The following RBMS3 variants were observed in gnomAD, a reference collection of about 807,000 sequenced individuals.
RBMS3 encodes the protein RNA binding motif single stranded interacting protein 3, also known as RNA-binding motif, single-stranded-interacting protein 3.
A neutral mutation model predicts 66.8 loss-of-function variants in RBMS3; 27 were observed. That is an observed-to-expected ratio of 0.40 (90% CI 0.30 to 0.56). The LOEUF is 0.56. Ranked by LOEUF, RBMS3 falls within the 20% of genes least tolerant of loss-of-function variation. The probability of loss-of-function intolerance (pLI) is 0.40; values close to 1 mark genes in which losing one functional copy is unlikely to be tolerated. For missense variants in RBMS3, 513 were observed against 549.5 expected (o/e 0.93, Z 0.66); for synonymous variants, 188 against 183.0 (o/e 1.03, Z -0.22).
At chr3:29,807,255 CA>C (rs2057584207) in intron 6 of RBMS3, among the ~76,000 whole-genome samples, 1 of 151,894 alleles carries the variant, frequency 6.6e-6, no homozygotes. Flanking sequence ...ACTAACTAAG[CA>C]ACTGTCTTTT....
At chr3:29,922,386 C>T (rs2060807565) in intron 10 of RBMS3, among the ~76,000 whole-genome samples, 1 of 150,102 alleles carries the variant, frequency 6.7e-6, no homozygotes, top group Non-Finnish European at 1.5e-5. Context: ...ACTCGGGAGG[C>T]TGAGGCAGGA....
chr3:29,317,246 G>C (rs1355007521), intron 1 of RBMS3, among the ~76,000 whole-genome samples: 1 of 151,768 alleles, frequency 6.6e-6, no homozygotes, highest in East Asian at 1.9e-4. Flanking sequence ...AGCTATGATA[G>C]AGTTGAGCAA....
At chr3:29,727,423 A>G (rs964506844) in intron 4 of RBMS3, among the ~76,000 whole-genome samples, 11 of 152,204 alleles carry the variant, frequency 7.2e-5, no homozygotes, top group African/African-American at 2.2e-4. Context: ...ATCAGAGTGA[A>G]CATGCAAACT....
chr3:29,999,671 T>C (rs1699482479), intron 14 of RBMS3, among the ~76,000 whole-genome samples: 1 of 151,274 alleles, frequency 6.6e-6, no homozygotes, highest in Non-Finnish European at 1.5e-5. Context: ...AAAAACCAAA[T>C]ACTGCATGTT....
chr3:29,617,589 G>C (rs2048713620), intron 4 of RBMS3, among the ~76,000 whole-genome samples: 1 of 152,094 alleles, frequency 6.6e-6, no homozygotes, highest in South Asian at 2.1e-4. Context: ...TCTAGTCTTT[G>C]CTTTGCCATA....
intron 2 of RBMS3, 30 bp from the exon 3 acceptor site, chr3:29,488,411 C>A: frequency 6.6e-7 from 1 of 1,523,940 alleles, no homozygotes; most frequent in African/African-American, 1.6e-5. Flanking sequence ...GTTACAATAA[C>A]ATGGGTTTTT....
chr3:29,452,425 T>G (rs9822629), intron 2 of RBMS3, among the ~76,000 whole-genome samples: 61,608 of 152,000 alleles, frequency 0.41, 12,787 homozygotes, highest in East Asian at 0.63. Flanking sequence ...TACTCTGTGA[T>G]CTAGAATCAA....
chr3:29,709,333 G>T (rs891323871), intron 4 of RBMS3, among the ~76,000 whole-genome samples: 2 of 152,130 alleles, frequency 1.3e-5, no homozygotes, highest in Non-Finnish European at 2.9e-5. Flanking sequence ...GCAACTTCAC[G>T]GCTGACATTA....
chr3:29,833,956 AAG>A (rs1254246169), intron 6 of RBMS3, among the ~76,000 whole-genome samples: 1 of 152,146 alleles, frequency 6.6e-6, no homozygotes, highest in East Asian at 1.9e-4. Context: ...TATCACATAT[AAG>A]AGAACCTGCA....
chr3:29,522,665 G>A lies in RBMS3; in HGVS notation c.307+34166G>A, dbSNP rs996126943. 9.2e-5 allele frequency among the ~76,000 whole-genome samples: 14 copies of A among 152,236 alleles called. No individual in the cohort carries two copies. The South Asian group carries it at 1.2e-3, about 14-fold the overall frequency. ...GCTGCCAGGTGGGAGTTGGTACCAG[G>A]AGGAAACACTGTAGGAGAAAGAAAA... On this transcript the variant is annotated intron_variant, in intron 3 of 14. Transcript: ENST00000383767.
chr3:29,724,106 C>G (rs1283909626), intron 4 of RBMS3, among the ~76,000 whole-genome samples: 2 of 151,960 alleles, frequency 1.3e-5, no homozygotes, highest in Non-Finnish European at 2.9e-5. Context: ...TGTTTCCCAC[C>G]CTGTAATATA....
chr3:29,359,959 A>G (rs1043634295), intron 1 of RBMS3, among the ~76,000 whole-genome samples: 2 of 151,974 alleles, frequency 1.3e-5, no homozygotes, highest in African/African-American at 2.4e-5. Flanking sequence ...TAGTCTTGCT[A>G]GCAGTCTGTC....
In RBMS3 at chr3:29,944,234, C is replaced by T; in HGVS notation, c.1078C>T (p.Leu360Phe). The T allele has an allele frequency of 1.3e-6, 2 of 1,592,826 alleles. No homozygotes were observed. Among genetic ancestry groups the T allele is most frequent in the Non-Finnish European group, 1.7e-6 (2 of 1,161,500 alleles). ...TCAATCCCAAGACAGGATTATGATA[C>T]TCCACCAGCTGTTGTGTCAGGTAGG... ...TIQSQDRIMI[L>F]HQLLCQYMTA... Residue 360 changes from leucine to phenylalanine, a missense_variant, in exon 12 of 15, where the codon CTC (leucine) becomes TTC (phenylalanine). By Grantham distance (22) the Leu-to-Phe change is conservative. Coordinates refer to ENST00000383767, the MANE Select transcript of RBMS3 (RefSeq NM_001003793.3).
intron 4 of RBMS3, among the ~76,000 whole-genome samples, chr3:29,655,483 A>T (rs1382761284): frequency 6.6e-6 from 1 of 152,242 alleles, no homozygotes; most frequent in Non-Finnish European, 1.5e-5. Flanking sequence ...TATAATAGAA[A>T]TTAAAAATTC....
At chr3:29,988,721 G>A (rs1015668471) in intron 13 of RBMS3, among the ~76,000 whole-genome samples, 1 of 152,024 alleles carries the variant, frequency 6.6e-6, no homozygotes, top group Non-Finnish European at 1.5e-5. Context: ...CCAGAAGTTC[G>A]AGACCAGCCT....
chr3:29,563,429 A>T (rs2149052469), intron 3 of RBMS3, among the ~76,000 whole-genome samples: 1 of 152,320 alleles, frequency 6.6e-6, no homozygotes, highest in East Asian at 1.9e-4. Flanking sequence ...AGTACCTGCC[A>T]CATTCCAGAC....
rs2043399400 is a variant in RBMS3, at chr3:29,488,352, G to A, written c.249-89G>A. ...TGTTTTCTTGGTTTATGCATGCTCA[G>A]TTGTGTGTGCCCCGATGTTCATTAG... On this transcript the variant is annotated intron_variant, in intron 2 of 14. Coordinates refer to ENST00000383767, the MANE Select transcript of RBMS3 (RefSeq NM_001003793.3). 3 of 1,116,844 alleles carry A rather than the reference G, an allele frequency of 2.7e-6. No individual in the cohort carries two copies. In the Admixed American group the frequency reaches 5.5e-5, roughly 20 times the overall value. The allele number at this position is 1,116,844 out of a possible 1,614,324, so 69.2% of individuals were successfully genotyped here. A position where few individuals can be genotyped will look rare whatever the true frequency, so the allele number is the denominator to read the frequency against.
Position 29,534,055 on chromosome 3 carries a change from C to T in RBMS3, c.307+45556C>T, listed in dbSNP as rs545844421. 3.9e-5 allele frequency among the ~76,000 whole-genome samples: 6 copies of T among 152,262 alleles called. No individual in the cohort carries two copies. The East Asian group carries it at 9.7e-4, about 24-fold the overall frequency. On this transcript the variant is annotated intron_variant, in intron 3 of 14. Transcript: ENST00000383767. ...TGTGACTCAAATTAAGAAAGGTGAC[C>T]AGGCTGATGTCTGTCCTTGTAACTT...
chr3:29,989,001 A>G (rs1698634667), intron 13 of RBMS3, among the ~76,000 whole-genome samples: 1 of 152,072 alleles, frequency 6.6e-6, no homozygotes, highest in Admixed American at 6.5e-5. Flanking sequence ...ATTATGATTT[A>G]TTTGTCTGGA....
Sources: gnomAD v4.1 joint callset for allele counts (sites outside exome capture counted in the v4.1 genomes callset) on GRCh38, gnomAD v4.1.1 for gene constraint, MANE v1.5 for transcripts, NCBI Gene and HGNC (gene_info 2026-07-23, HGNC 2026-07-21) for gene names.